The following PACRG variants were observed in gnomAD, a reference collection of about 807,000 sequenced individuals.
PACRG encodes parkin coregulated.
A neutral mutation model predicts 29.7 loss-of-function variants in PACRG; 29 were observed. The ratio of observed to expected loss-of-function variants is 0.98; its 90% CI spans 0.73 to 1.33. The LOEUF (loss-of-function observed/expected upper bound fraction) is 1.33, where lower values mean the gene tolerates loss of function less well. Among genes scored for constraint, PACRG ranks in the 40% most tolerant of loss-of-function variants. PACRG has a pLI of 0.00. For synonymous variants in PACRG, 116 were observed against 118.7 expected, an observed-to-expected ratio of 0.98 and a Z score of 0.15; for missense variants, 279 against 316.2, an observed-to-expected ratio of 0.88 and a Z score of 0.89.
At chr6:162,887,281 A>C (rs111435559) in intron 2 of PACRG, among the ~76,000 whole-genome samples, 1 of 152,152 alleles carries the variant, frequency 6.6e-6, no homozygotes, top group African/African-American at 2.4e-5. Context: ...GTTGCTTTCC[A>C]TCTTGTGGGT....
At chr6:163,057,744 T>C (rs1244366898) in intron 2 of PACRG, among the ~76,000 whole-genome samples, 1 of 152,240 alleles carries the variant, frequency 6.6e-6, no homozygotes, top group Non-Finnish European at 1.5e-5. Context: ...ACTATGCTTG[T>C]AATACCTATA....
intron 2 of PACRG, among the ~76,000 whole-genome samples, chr6:163,009,828 TTAAATA>T (rs2128209281): frequency 6.6e-6 from 1 of 152,354 alleles, no homozygotes; most frequent in Admixed American, 6.5e-5. Flanking sequence ...GATAAACACT[TTAAATA>T]TAAGCTTTAT....
chr6:163,238,772 A>G (rs1210176394), intron 4 of PACRG, among the ~76,000 whole-genome samples: 1 of 152,248 alleles, frequency 6.6e-6, no homozygotes. Context: ...ATTGTAGAAT[A>G]GAATGTTTAG....
chr6:163,229,267 T>C (rs1585351729), intron 4 of PACRG, among the ~76,000 whole-genome samples: 2 of 152,236 alleles, frequency 1.3e-5, no homozygotes, highest in African/African-American at 2.4e-5. Flanking sequence ...AGGATCACTT[T>C]GAGCCCAGGA....
intron 4 of PACRG, among the ~76,000 whole-genome samples, chr6:163,192,893 G>C (rs529412264): frequency 6.6e-6 from 1 of 152,136 alleles, no homozygotes; most frequent in Non-Finnish European, 1.5e-5. Flanking sequence ...TGCTTAAAAA[G>C]ATCTGACACA....
chr6:163,065,542 C>G (rs1052418612), intron 3 of PACRG, among the ~76,000 whole-genome samples: 3 of 152,166 alleles, frequency 2.0e-5, no homozygotes, highest in Admixed American at 6.5e-5. Flanking sequence ...AAAGTGAGAA[C>G]AGTAGCAACA....
At chr6:163,158,433 A>G (rs1037285226) in intron 4 of PACRG, among the ~76,000 whole-genome samples, 1 of 152,196 alleles carries the variant, frequency 6.6e-6, no homozygotes, top group Non-Finnish European at 1.5e-5. Context: ...TGAGCTGATG[A>G]ACCCTTAAAG....
chr6:163,285,261 C>T (rs542070899), intron 4 of PACRG, among the ~76,000 whole-genome samples: 14 of 152,102 alleles, frequency 9.2e-5, no homozygotes, highest in African/African-American at 2.4e-4. Flanking sequence ...AGGGCCTTTG[C>T]GCAAACCCTT....
At chr6:163,090,124 T>G (rs1416366616) in intron 4 of PACRG, among the ~76,000 whole-genome samples, 2 of 152,176 alleles carry the variant, frequency 1.3e-5, no homozygotes, top group African/African-American at 4.8e-5. Context: ...AGTTAGTAAT[T>G]TAATGGAGCA....
chr6:163,241,829 G>T (rs898277212), intron 4 of PACRG, among the ~76,000 whole-genome samples: 2 of 152,200 alleles, frequency 1.3e-5, no homozygotes, highest in South Asian at 2.1e-4. Flanking sequence ...CAAAGGGGGG[G>T]CACGGGCTGG....
chr6:163,206,354 A>G (rs1228737389), intron 4 of PACRG, among the ~76,000 whole-genome samples: 3 of 152,230 alleles, frequency 2.0e-5, no homozygotes, highest in African/African-American at 7.2e-5. Context: ...TGTAGTACAT[A>G]CATACCATGG....
At chr6:163,126,508 T>A (rs1415886725) in intron 4 of PACRG, among the ~76,000 whole-genome samples, 1 of 152,184 alleles carries the variant, frequency 6.6e-6, no homozygotes, top group Admixed American at 6.5e-5. Context: ...ACAGAGCAAA[T>A]GCGGTTGAGA....
At chr6:162,894,924 A>T (rs554969037) in intron 2 of PACRG, among the ~76,000 whole-genome samples, 1 of 152,338 alleles carries the variant, frequency 6.6e-6, no homozygotes, top group Non-Finnish European at 1.5e-5. Context: ...GAAAGTGTTC[A>T]TTAAGAACAC....
At chr6:162,795,826 A>T (rs1049473895) in intron 1 of PACRG, among the ~76,000 whole-genome samples, 2 of 152,090 alleles carry the variant, frequency 1.3e-5, no homozygotes, top group Non-Finnish European at 2.9e-5. Flanking sequence ...CATTTTTCCC[A>T]TGTACTTTAT....
chr6:163,149,482 G>A (rs1481453351), intron 4 of PACRG, among the ~76,000 whole-genome samples: 2 of 152,158 alleles, frequency 1.3e-5, no homozygotes, highest in Non-Finnish European at 2.9e-5. Flanking sequence ...GCAAACCCCA[G>A]TCTCCTCGCT....
chr6:162,929,437 T>C (rs2128104272), intron 2 of PACRG, among the ~76,000 whole-genome samples: 1 of 152,198 alleles, frequency 6.6e-6, no homozygotes, highest in South Asian at 2.1e-4. Flanking sequence ...TATTATTTAC[T>C]TTTTGTTATT....
intron 1 of PACRG, among the ~76,000 whole-genome samples, chr6:162,802,154 A>G (rs1169802770): frequency 6.6e-6 from 1 of 152,092 alleles, no homozygotes; most frequent in East Asian, 1.9e-4. Context: ...TGGTATTTTT[A>G]TCTCTTCTCC....
intron 2 of PACRG, among the ~76,000 whole-genome samples, chr6:162,876,066 T>C (rs1374125400): frequency 3.3e-5 from 5 of 152,192 alleles, no homozygotes; most frequent in African/African-American, 7.2e-5. Context: ...TCCTCCATGC[T>C]AAAACCATGC....
At chr6:163,314,642 G>A (rs1785574716) in intron 4 of PACRG, among the ~76,000 whole-genome samples, 185 bp from the exon 5 acceptor site, 1 of 152,038 alleles carries the variant, frequency 6.6e-6, no homozygotes, top group Non-Finnish European at 1.5e-5. Context: ...TTTTTCATCG[G>A]CTCCAATCTG....
Sources: allele counts gnomAD v4.1 joint callset (sites outside exome capture counted in the v4.1 genomes callset), GRCh38; gene constraint gnomAD v4.1.1; transcripts MANE v1.5; gene names NCBI Gene and HGNC (gene_info 2026-07-23, HGNC 2026-07-21).